Variants in NCAPH observed in about 807,000 individuals in gnomAD.
The protein encoded by NCAPH is condensin complex subunit 2.
NCAPH carries 38 observed loss-of-function variants against 85.5 expected under a neutral mutation model. The observed-to-expected ratio is 0.44, with a 90% CI of 0.34 to 0.58. The LOEUF (loss-of-function observed/expected upper bound fraction) is 0.58, where lower values mean the gene tolerates loss of function less well. Ranked by LOEUF, NCAPH falls within the 20% of genes least tolerant of loss-of-function variation. NCAPH has a pLI of 0.01. For synonymous variants in NCAPH, 301 were observed against 335.1 expected, an observed-to-expected ratio of 0.90 and a Z score of 1.11; for missense variants, 789 against 916.6, an observed-to-expected ratio of 0.86 and a Z score of 1.80.
intron 10 of NCAPH, chr2:96,359,513 G>T (rs371568088): frequency 3.0e-6 from 1 of 334,830 alleles, no homozygotes; most frequent in Non-Finnish European, 5.5e-6. Context: ...GCACTAGAGG[G>T]CACACAGGAG....
At chr2:96,338,361 G>T (rs190323602) in intron 1 of NCAPH, among the ~76,000 whole-genome samples, 1 of 152,076 alleles carries the variant, frequency 6.6e-6, no homozygotes, top group Non-Finnish European at 1.5e-5. Context: ...CTGAGGATGG[G>T]CTTTCTGTGC....
In NCAPH at chr2:96,376,178, C is replaced by T. The variant is rs576258940; in HGVS notation, c.*2827C>T. Among the ~76,000 whole-genome samples, 7 of 152,144 alleles carry T rather than the reference C, an allele frequency of 4.6e-5. No homozygotes were observed. Among genetic ancestry groups the T allele is most frequent in the Non-Finnish European group, 7.3e-5 (5 of 68,046 alleles). ...GCTGAGAAGCCTCCTGAGATAAGAG[C>T]GTATACCATGTCCATAACTGAAGTT... On this transcript the variant is annotated 3_prime_UTR_variant, in exon 18 of 18. Coordinates refer to ENST00000240423, the MANE Select transcript of NCAPH (RefSeq NM_015341.5).
chr2:96,360,364 T>C (rs1284954308), intron 11 of NCAPH, 115 bp downstream of exon 11: 1 of 819,006 alleles, frequency 1.2e-6, no homozygotes, highest in Non-Finnish European at 1.9e-6. Context: ...CATTCTTCCT[T>C]GTTCCTTAAA....
chr2:96,361,826 A>C (rs867096505), intron 12 of NCAPH, among the ~76,000 whole-genome samples: 1 of 118,694 alleles, frequency 8.4e-6, no homozygotes, highest in Non-Finnish European at 1.7e-5. Context: ...ATATATATAT[A>C]TATTTTTTTT....
chr2:96,359,219 A>G (rs776036879), intron 10 of NCAPH, 26 bp downstream of exon 10: 1 of 1,612,966 alleles, frequency 6.2e-7, no homozygotes, highest in Admixed American at 1.7e-5. Context: ...TGGAATTTTA[A>G]GAAAAGAAGT....
At chr2:96,349,409 TCTCA>T (rs2104443573) in intron 6 of NCAPH, among the ~76,000 whole-genome samples, 1 of 151,670 alleles carries the variant, frequency 6.6e-6, no homozygotes, top group Non-Finnish European at 1.5e-5. Flanking sequence ...TAAGATGGAG[TCTCA>T]CTCTGTTGCC....
chr2:96,342,874 G>A (rs772706346), intron 4 of NCAPH, 26 bp downstream of exon 4: 1 of 1,563,436 alleles, frequency 6.4e-7, no homozygotes, highest in Admixed American at 1.7e-5. Context: ...ACTTTCTCTT[G>A]CATCTGAATT....
chr2:96,352,879 T>C (rs893217432), intron 7 of NCAPH, among the ~76,000 whole-genome samples: 4 of 152,242 alleles, frequency 2.6e-5, no homozygotes, highest in African/African-American at 9.6e-5. Flanking sequence ...TCTAATCCCC[T>C]GAAGTAAGTC....
chr2:96,342,989 T>C, intron 4 of NCAPH, 141 bp downstream of exon 4: 2 of 1,200,072 alleles, frequency 1.7e-6, no homozygotes, highest in Non-Finnish European at 2.4e-6. Context: ...TTTCTTTTCC[T>C]AAACTGATGA....
intron 1 of NCAPH, 88 bp from the exon 2 acceptor site, chr2:96,341,553 TG>T: frequency 4.7e-6 from 7 of 1,482,184 alleles, no homozygotes; most frequent in Non-Finnish European, 6.4e-6. Flanking sequence ...CAGTGTGTGG[TG>T]AACCTCCACC....
chr2:96,343,320 T>C lies in NCAPH; in HGVS notation c.595+16T>C, dbSNP rs1374263843. ...CATGTTGCTGGTAGGTGGGTAGGGA[T>C]CTGGATTTAAGTGGCTCTTTTTAGG... On this transcript the variant is annotated intron_variant, in intron 5 of 17. Transcript: ENST00000240423. The C allele has an allele frequency of 6.2e-7, 1 of 1,608,532 alleles. No homozygotes were observed. The highest frequency in any genetic ancestry group is 1.1e-5 in the South Asian group (1 of 90,262).
chr2:96,349,376 C>A (rs114547734), intron 6 of NCAPH, among the ~76,000 whole-genome samples: 1 of 151,716 alleles, frequency 6.6e-6, no homozygotes, highest in African/African-American at 2.4e-5. Context: ...ATTAAACTCT[C>A]ATTTTCTTTT....
At chr2:96,366,663 T>C (rs928248288) in intron 14 of NCAPH, among the ~76,000 whole-genome samples, 2 of 152,078 alleles carry the variant, frequency 1.3e-5, no homozygotes, top group South Asian at 4.2e-4. Flanking sequence ...CAGATCACGA[T>C]GTCAGGAGTT....
intron 9 of NCAPH, among the ~76,000 whole-genome samples, chr2:96,358,556 C>T (rs2064555798): frequency 6.6e-6 from 1 of 152,142 alleles, no homozygotes; most frequent in African/African-American, 2.4e-5. Context: ...GCAAGCTCCA[C>T]CTCCTGGGTT....
intron 12 of NCAPH, among the ~76,000 whole-genome samples, chr2:96,361,373 G>A (rs528963580): frequency 6.6e-6 from 1 of 152,138 alleles, no homozygotes; most frequent in Admixed American, 6.5e-5. Flanking sequence ...TCTCATTGAA[G>A]TTGTGGATTT....
chr2:96,372,391 G>C lies in NCAPH; in HGVS notation c.2167-901G>C, dbSNP rs76417759. On this transcript the variant is annotated intron_variant, in intron 17 of 17. Coordinates refer to ENST00000240423, the MANE Select transcript of NCAPH (RefSeq NM_015341.5). ...ATGGGGCATTGGGGCAGTTGGGGGT[G>C]CCTGGAGGAGGCATGCATGGTTGGG... is the stretch of plus-strand genomic sequence containing the variant. Among the ~76,000 whole-genome samples, 191 of 152,244 alleles carry C rather than the reference G, an allele frequency of 1.3e-3. 5 individuals are homozygous for C. In the East Asian group the frequency reaches 0.031, roughly 25 times the overall value.
chr2:96,374,655 CAT>C lies in NCAPH; in HGVS notation c.*1305_*1306del, dbSNP rs1485589551. 2.6e-5 allele frequency among the ~76,000 whole-genome samples: 4 copies of C among 152,184 alleles called. No individual in the cohort carries two copies. The highest frequency in any genetic ancestry group is 9.7e-5 in the African/African-American group (4 of 41,450). On this transcript the variant is annotated 3_prime_UTR_variant, in exon 18 of 18. Coordinates refer to ENST00000240423, the MANE Select transcript of NCAPH (RefSeq NM_015341.5). Reference sequence around the variant, plus strand: ...TATGCTTTCCAAATTGTGTCCAAAACATTACCTGCTCTGTTATATTGAGAAGG... The same window carrying C: ...TATGCTTTCCAAATTGTGTCCAAAACTACCTGCTCTGTTATATTGAGAAGG...
rs148573539 is a variant in NCAPH, at chr2:96,352,689, T to G, written c.911-617T>G. 1.8e-4 allele frequency among the ~76,000 whole-genome samples: 28 copies of G among 152,332 alleles called. No homozygotes were observed. In the East Asian group the frequency reaches 5.4e-3, roughly 29 times the overall value. On this transcript the variant is annotated intron_variant, in intron 7 of 17. Coordinates refer to ENST00000240423, the MANE Select transcript of NCAPH (RefSeq NM_015341.5). ...CACATTTCCAATGCAGTGTTCGTACTCTCGCTGATCTTCATCTCAAGTGCG... is the reference window on the plus strand; with the variant it reads ...CACATTTCCAATGCAGTGTTCGTACGCTCGCTGATCTTCATCTCAAGTGCG...
intron 15 of NCAPH, among the ~76,000 whole-genome samples, chr2:96,367,926 A>T (rs996821885): frequency 6.6e-6 from 1 of 152,256 alleles, no homozygotes; most frequent in Non-Finnish European, 1.5e-5. Context: ...AAGTTGCTCT[A>T]TGCTATGAAA....
Sources: allele counts gnomAD v4.1 joint callset (sites outside exome capture counted in the v4.1 genomes callset), GRCh38; gene constraint gnomAD v4.1.1; transcripts MANE v1.5; gene names NCBI Gene and HGNC (gene_info 2026-07-23, HGNC 2026-07-21).